Variants in LMF1 observed in about 807,000 individuals in gnomAD.
The protein encoded by LMF1 is transmembrane protein 112.
In LMF1, 68 loss-of-function variants were observed where a neutral mutation model predicts 60.6. The observed-to-expected ratio is 1.12, with a 90% CI of 0.92 to 1.37. LMF1 has a LOEUF of 1.37. Ranked by LOEUF, LMF1 falls within the 40% of genes most tolerant of loss-of-function variation. The pLI is 0.00. For missense variants in LMF1, 948 were observed against 767.2 expected, an observed-to-expected ratio of 1.24 and a Z score of -2.78; for synonymous variants, 418 against 324.7, an observed-to-expected ratio of 1.29 and a Z score of -3.09.
chr16:973,007 C>T (rs921593589), upstream of LMF1, among the ~76,000 whole-genome samples: 3 of 152,172 alleles, frequency 2.0e-5, no homozygotes, highest in African/African-American at 7.2e-5. Context: ...CTGGTCGTGC[C>T]CATTTCAGCC....
At chr16:934,138 G>A in intron 3 of LMF1, 106 bp downstream of exon 3, 1 of 1,585,800 alleles carries the variant, frequency 6.3e-7, no homozygotes, top group East Asian at 2.2e-5. Flanking sequence ...GAAGGCTGAT[G>A]GCAGAGGCTA....
intron 3 of LMF1, 172 bp from the exon 4 acceptor site, chr16:911,251 C>T: frequency 1.2e-6 from 1 of 806,088 alleles, no homozygotes; most frequent in Non-Finnish European, 2.1e-6. Flanking sequence ...AAGGTCAGGT[C>T]TGCAGGAGTG....
Position 952,935 on chromosome 16 carries a change from C to T in LMF1, c.503+1422G>A, listed in dbSNP as rs199966932. On this transcript the variant is annotated intron_variant, in intron 2 of 10. Coordinates refer to ENST00000262301, the MANE Select transcript of LMF1 (RefSeq NM_022773.4). ...CCTACACGTCCACACAGACACCCAC[C>T]CCAAACCAGCCTCCTGCACGTCCAC... Among the ~76,000 whole-genome samples the T allele has an allele frequency of 5.5e-4, 53 of 96,302 alleles. 1 individual carries two copies. Among genetic ancestry groups the T allele is most frequent in the African/African-American group, 1.7e-3 (33 of 19,768 alleles). 63.2% of individuals were successfully genotyped at this position (96,302 alleles called of 152,430 possible). A position where few individuals can be genotyped will look rare whatever the true frequency, so the allele number is the denominator to read the frequency against.
intron 4 of LMF1, among the ~76,000 whole-genome samples, chr16:906,390 C>T (rs556321032): frequency 2.6e-5 from 4 of 152,174 alleles, no homozygotes; most frequent in African/African-American, 9.6e-5. Flanking sequence ...ATCTGGTGGG[C>T]ACCATCTCAT....
chr16:975,955 G>A (rs767840790), upstream of LMF1: 2 of 453,610 alleles, frequency 4.4e-6, no homozygotes, highest in Non-Finnish European at 8.8e-6. Context: ...GTGTTGGGAG[G>A]TTTCAAATGT....
At chr16:938,819 C>T (rs1199259077) in intron 2 of LMF1, among the ~76,000 whole-genome samples, 1 of 152,116 alleles carries the variant, frequency 6.6e-6, no homozygotes, top group African/African-American at 2.4e-5. Flanking sequence ...TACAGGTAAG[C>T]AATTTAAAAC....
intron 6 of LMF1, among the ~76,000 whole-genome samples, chr16:876,247 C>T (rs1192098468): frequency 6.6e-6 from 1 of 152,238 alleles, no homozygotes; most frequent in Non-Finnish European, 1.5e-5. Context: ...CCGCGGAGGG[C>T]AGGAAGCCAG....
At chr16:922,332 G>A (rs909256236) in intron 3 of LMF1, among the ~76,000 whole-genome samples, 2 of 152,190 alleles carry the variant, frequency 1.3e-5, no homozygotes, top group Non-Finnish European at 2.9e-5. Flanking sequence ...ATCCAGCTGT[G>A]AGCTCTCACC....
chr16:974,476 C>G (rs2073098545), upstream of LMF1, among the ~76,000 whole-genome samples: 1 of 152,182 alleles, frequency 6.6e-6, no homozygotes, highest in South Asian at 2.1e-4. Context: ...TGAGGCTCGG[C>G]CACCCCAGGG....
At chr16:869,263 G>A (rs912895160) in intron 9 of LMF1, 35 of 666,430 alleles carry the variant, frequency 5.3e-5, no homozygotes, top group Non-Finnish European at 7.7e-5. Flanking sequence ...CATGTCGGCC[G>A]CTGGCTTCGC....
intron 3 of LMF1, among the ~76,000 whole-genome samples, chr16:917,947 T>A (rs1360357593): frequency 6.6e-6 from 1 of 152,168 alleles, no homozygotes; most frequent in Non-Finnish European, 1.5e-5. Flanking sequence ...ATGTCTCACG[T>A]CCTGAGGACG....
At chr16:876,749 G>A (rs2069995796) in intron 6 of LMF1, among the ~76,000 whole-genome samples, 1 of 152,112 alleles carries the variant, frequency 6.6e-6, no homozygotes. Flanking sequence ...ACCTCGGGGG[G>A]TCATGGTGGC....
Position 878,281 on chromosome 16 carries a change from G to A in LMF1, c.897+1289C>T, listed in dbSNP as rs1596884344. Among the ~76,000 whole-genome samples, 1 of 152,054 alleles carries A rather than the reference G, an allele frequency of 6.6e-6. No homozygotes were observed. Among genetic ancestry groups the A allele is most frequent in the African/African-American group, 2.4e-5 (1 of 41,388 alleles). On this transcript the variant is annotated intron_variant, in intron 6 of 10. Transcript: ENST00000262301. The surrounding 1 kb of genome is among the most constrained non-coding windows in gnomAD (Gnocchi z 5.2). ...TCCCACTTAGATTCACGGCGACATCGATGCCCACAGGGAAATCACCTGATG... is the reference window on the plus strand; with the variant it reads ...TCCCACTTAGATTCACGGCGACATCAATGCCCACAGGGAAATCACCTGATG...
intron 1 of LMF1, among the ~76,000 whole-genome samples, chr16:963,244 G>A (rs1417869418): frequency 6.6e-6 from 1 of 152,078 alleles, no homozygotes; most frequent in Non-Finnish European, 1.5e-5. Context: ...GAAGGGACCT[G>A]AGCTGTGAGC....
chr16:880,977 A>C (rs1394030457), intron 5 of LMF1, among the ~76,000 whole-genome samples: 2 of 152,326 alleles, frequency 1.3e-5, no homozygotes, highest in East Asian at 3.9e-4. Context: ...ACAGCCGCAG[A>C]AACCCCACTA....
At chr16:928,885 T>G (rs1376638821) in intron 3 of LMF1, among the ~76,000 whole-genome samples, 2 of 152,226 alleles carry the variant, frequency 1.3e-5, no homozygotes, top group Non-Finnish European at 2.9e-5. Context: ...AAAACGATTT[T>G]GGGGGCCTAA....
chr16:906,851 G>A (rs2070984883), intron 4 of LMF1, among the ~76,000 whole-genome samples: 1 of 152,140 alleles, frequency 6.6e-6, no homozygotes. Flanking sequence ...CAATCCTTCT[G>A]GGATTGCTTG....
intron 1 of LMF1, among the ~76,000 whole-genome samples, chr16:967,696 C>T (rs956943842): frequency 2.0e-5 from 3 of 152,232 alleles, no homozygotes; most frequent in Non-Finnish European, 2.9e-5. Flanking sequence ...TCCCAGGAGC[C>T]GTCACGGCCC....
At chr16:880,885 G>A (rs890401528) in intron 5 of LMF1, among the ~76,000 whole-genome samples, 3 of 152,264 alleles carry the variant, frequency 2.0e-5, no homozygotes, top group Non-Finnish European at 4.4e-5. Context: ...CGCTCTGCTT[G>A]CCTTTGTGGA....
Sources: gnomAD v4.1 joint callset for allele counts (sites outside exome capture counted in the v4.1 genomes callset) on GRCh38, gnomAD v4.1.1 for gene constraint, Gnocchi (gnomAD v3.1) non-coding constraint, MANE v1.5 for transcripts, NCBI Gene and HGNC (gene_info 2026-07-23, HGNC 2026-07-21) for gene names.